Variants in LAMC1 observed in about 807,000 individuals in gnomAD.
LAMC1 encodes laminin subunit gamma 1, also known as laminin subunit gamma-1.
A neutral mutation model predicts 173.6 loss-of-function variants in LAMC1; 38 were observed. That is an observed-to-expected ratio of 0.22 (90% CI 0.17 to 0.29). The LOEUF (loss-of-function observed/expected upper bound fraction) is 0.29. Ranked by LOEUF, LAMC1 falls within the 10% of genes least tolerant of loss-of-function variation. LAMC1 has a pLI of 1.00. For synonymous variants in LAMC1, 746 were observed against 749.1 expected (o/e 1.00, Z 0.07); for missense variants, 1,824 against 2,051.8 (o/e 0.89, Z 2.14).
At chr1:183,026,297 A>G (rs1653684845) in intron 1 of LAMC1, among the ~76,000 whole-genome samples, 1 of 152,162 alleles carries the variant, frequency 6.6e-6, no homozygotes, top group African/African-American at 2.4e-5. Context: ...AGGATACTTG[A>G]CTTGTTCTTG....
intron 24 of LAMC1, among the ~76,000 whole-genome samples, chr1:183,135,422 T>G (rs1249017320): frequency 6.6e-6 from 1 of 152,180 alleles, no homozygotes; most frequent in Non-Finnish European, 1.5e-5. Context: ...AAATGGAGAT[T>G]ATCTTTCATT....
chr1:183,113,425 G>A (rs1656221249), intron 4 of LAMC1, among the ~76,000 whole-genome samples: 1 of 152,020 alleles, frequency 6.6e-6, no homozygotes, highest in East Asian at 1.9e-4. Context: ...CATCCTGTTC[G>A]ATTTGAAACC....
intron 1 of LAMC1, among the ~76,000 whole-genome samples, chr1:183,031,368 G>A (rs532926299): frequency 3.4e-4 from 52 of 152,114 alleles, no homozygotes; most frequent in African/African-American, 1.2e-3. Context: ...GCAGTGGCAC[G>A]ATCTTGGCTC....
intron 1 of LAMC1, among the ~76,000 whole-genome samples, chr1:183,093,732 C>G (rs1013771769): frequency 3.9e-5 from 6 of 152,198 alleles, no homozygotes; most frequent in African/African-American, 1.4e-4. Flanking sequence ...AAACTGAACT[C>G]CCAGTTTCTT....
rs202125298 is a variant in LAMC1 at position 183,036,813 on chromosome 1, TC to T, written c.418+12680del. 9.1e-3 allele frequency among the ~76,000 whole-genome samples: 1,382 copies of T among 152,234 alleles called. 18 individuals are homozygous for T. Among genetic ancestry groups the T allele is most frequent in the Admixed American group, 9.6e-3 (147 of 15,292 alleles). ...TTTTTTAGATGGTGTTTCACTCTTG[TC>T]GCCCAGGCTGGAGTGCAGTGGCACG... On this transcript the variant is annotated intron_variant, in intron 1 of 27. Transcript: ENST00000258341.
chr1:183,101,611 A>T (rs1006337188), intron 1 of LAMC1, among the ~76,000 whole-genome samples: 3 of 151,784 alleles, frequency 2.0e-5, no homozygotes, highest in African/African-American at 7.3e-5. Flanking sequence ...TTAGTCAAGT[A>T]TGTGTAGATC....
At chr1:183,040,061 T>C (rs4652769) in intron 1 of LAMC1, among the ~76,000 whole-genome samples, 76,516 of 152,034 alleles carry the variant, frequency 0.5, 19,872 homozygotes, top group South Asian at 0.64. Flanking sequence ...TGTAACTAGA[T>C]TCGGACTTCT....
chr1:183,114,767 A>AC (rs1309309655), intron 5 of LAMC1, 48 bp downstream of exon 5: 4 of 1,558,328 alleles, frequency 2.6e-6, no homozygotes, highest in Non-Finnish European at 3.5e-6. Flanking sequence ...AGTTCCGTGG[A>AC]CCCCCGGAAA....
chr1:183,108,662 T>C (rs10797839), intron 3 of LAMC1, among the ~76,000 whole-genome samples: 78,631 of 152,054 alleles, frequency 0.52, 21,034 homozygotes, highest in South Asian at 0.65. Flanking sequence ...AATCCACACA[T>C]TTAGTGAATT....
chr1:183,134,047 C>CTATA (rs1656870540), intron 22 of LAMC1, among the ~76,000 whole-genome samples: 1 of 152,136 alleles, frequency 6.6e-6, no homozygotes, highest in Non-Finnish European at 1.5e-5. Context: ...AATTAAAAGA[C>CTATA]TATAGCAGGA....
chr1:183,052,393 G>T (rs1320676511), intron 1 of LAMC1, among the ~76,000 whole-genome samples: 1 of 151,934 alleles, frequency 6.6e-6, no homozygotes, highest in Admixed American at 6.5e-5. Flanking sequence ...GAGTGCAGTG[G>T]CATGATCTCG....
chr1:183,050,891 C>CAAAAA (rs779377179), intron 1 of LAMC1, among the ~76,000 whole-genome samples: 1 of 54,720 alleles, frequency 1.8e-5, no homozygotes, highest in Non-Finnish European at 3.9e-5. Context: ...AACTCCATCT[C>CAAAAA]AAAAAAAAAA....
intron 1 of LAMC1, among the ~76,000 whole-genome samples, chr1:183,043,299 G>T (rs910873958): frequency 2.6e-5 from 4 of 152,074 alleles, no homozygotes; most frequent in African/African-American, 9.7e-5. Flanking sequence ...CTGATGAAAG[G>T]CTATCATAGC....
At chr1:183,069,590 G>T (rs962498114) in intron 1 of LAMC1, among the ~76,000 whole-genome samples, 5 of 152,252 alleles carry the variant, frequency 3.3e-5, no homozygotes, top group African/African-American at 1.2e-4. Context: ...TGGGTGTCCA[G>T]TGTGTCAGGG....
At chr1:183,073,143 T>A (rs1156256883) in intron 1 of LAMC1, among the ~76,000 whole-genome samples, 1 of 152,202 alleles carries the variant, frequency 6.6e-6, no homozygotes, top group African/African-American at 2.4e-5. Flanking sequence ...CTTGGTGTTT[T>A]AGTAGCATTA....
intron 1 of LAMC1, among the ~76,000 whole-genome samples, chr1:183,083,866 A>C (rs10911234): frequency 0.5 from 76,437 of 151,986 alleles, 19,824 homozygotes; most frequent in South Asian, 0.64. Flanking sequence ...ATATTATATT[A>C]ATTTTCATGA....
chr1:183,032,699 T>C (rs1030015618), intron 1 of LAMC1, among the ~76,000 whole-genome samples: 1 of 152,124 alleles, frequency 6.6e-6, no homozygotes, highest in Non-Finnish European at 1.5e-5. Flanking sequence ...CTTTTTTTTC[T>C]TTTTTTGAAT....
In LAMC1 at chr1:183,081,749, A is replaced by C. The variant is rs1000365414; in HGVS notation, c.419-21579A>C. Among the ~76,000 whole-genome samples, 25 of 152,240 alleles carry C rather than the reference A, an allele frequency of 1.6e-4. No individual in the cohort carries two copies. The East Asian group carries it at 4.4e-3, about 27-fold the overall frequency. ...TGGCATAGTTGTTATAATCAATAAA[A>C]CATTAACATGTCATAATCCCCTAAA... On this transcript the variant is annotated intron_variant, in intron 1 of 27. Coordinates refer to ENST00000258341, the MANE Select transcript of LAMC1 (RefSeq NM_002293.4).
intron 1 of LAMC1, among the ~76,000 whole-genome samples, chr1:183,077,544 C>T (rs2102046147): frequency 6.6e-6 from 1 of 152,036 alleles, no homozygotes; most frequent in African/African-American, 2.4e-5. Flanking sequence ...AATCTTTTGT[C>T]CCTTGCCCCC....
Sources: gnomAD v4.1 joint callset for allele counts (sites outside exome capture counted in the v4.1 genomes callset) on GRCh38, gnomAD v4.1.1 for gene constraint, MANE v1.5 for transcripts, NCBI Gene and HGNC (gene_info 2026-07-23, HGNC 2026-07-21) for gene names.